Variants in CFAP70 observed in about 807,000 individuals in gnomAD.
CFAP70 encodes the protein cilia- and flagella-associated protein 70.
A neutral mutation model predicts 137.6 loss-of-function variants in CFAP70; 81 were observed. The observed-to-expected ratio is 0.59, with a 90% confidence interval of 0.49 to 0.71. The LOEUF is 0.71. CFAP70 is among the 30% of genes least tolerant of loss of function. The probability of loss-of-function intolerance (pLI) is 0.00; values close to 1 mark genes in which losing one functional copy is unlikely to be tolerated. For missense variants in CFAP70, 976 were observed against 1,226.7 expected (o/e 0.80, Z 3.05); for synonymous variants, 382 against 423.6 (o/e 0.90, Z 1.20).
At chr10:73,309,644 C>A (rs1292332031) in intron 12 of CFAP70, among the ~76,000 whole-genome samples, 1 of 143,676 alleles carries the variant, frequency 7.0e-6, no homozygotes, top group Admixed American at 6.9e-5. Flanking sequence ...CTTGTTCATC[C>A]GTATTTCCTA....
chr10:73,298,847 G>A, intron 14 of CFAP70, 60 bp downstream of exon 15: 1 of 1,441,904 alleles, frequency 6.9e-7, no homozygotes, highest in Non-Finnish European at 9.7e-7. Flanking sequence ...TGTGATGTGG[G>A]TATGTGGAGA....
At chr10:73,305,866 A>G (rs2049332099) in intron 12 of CFAP70, among the ~76,000 whole-genome samples, 1 of 152,238 alleles carries the variant, frequency 6.6e-6, no homozygotes, top group African/African-American at 2.4e-5. Flanking sequence ...CATCAAACTT[A>G]CTACACAAAT....
chr10:73,262,592 C>A (rs2133601386), intron 25 of CFAP70, among the ~76,000 whole-genome samples: 1 of 152,030 alleles, frequency 6.6e-6, no homozygotes, highest in African/African-American at 2.4e-5. Flanking sequence ...ATCTTTTATC[C>A]ATGAAAATGT....
At chr10:73,253,919 C>A (rs1418771930) in exon 27 of CFAP70, 2 of 1,420,402 alleles carry the variant, frequency 1.4e-6, no homozygotes, top group East Asian at 4.7e-5. Context: ...GTAAAACTCT[C>A]TGGGAAGGAA....
chr10:73,292,925 C>T (rs2048280073), intron 16 of CFAP70, among the ~76,000 whole-genome samples: 2 of 152,042 alleles, frequency 1.3e-5, no homozygotes, highest in Admixed American at 1.3e-4. Context: ...AAGATTCTGT[C>T]CTATGTTTCT....
rs12255344 is a variant in CFAP70, at chr10:73,279,572, T to C, written c.2240-1235A>G. Among the ~76,000 whole-genome samples the C allele has an allele frequency of 8.7e-5, 9 of 103,400 alleles. No individual in the cohort carries two copies. The East Asian group carries it at 4.5e-3, about 51-fold the overall frequency. The allele number at this position is 103,400 out of a possible 152,430, so 67.8% of individuals were successfully genotyped here. A position where few individuals can be genotyped will look rare whatever the true frequency, so the allele number is the denominator to read the frequency against. ...AAATAAATAAATAAATAAATAAATATAAGAAGTTGGGCGAGGTGACTCACG... is the reference window on the plus strand; with the variant it reads ...AAATAAATAAATAAATAAATAAATACAAGAAGTTGGGCGAGGTGACTCACG... On this transcript the variant is annotated intron_variant, in intron 19 of 26. Coordinates refer to ENST00000310715, the Ensembl canonical transcript of CFAP70.
intron 19 of CFAP70, among the ~76,000 whole-genome samples, chr10:73,282,826 C>CTTTTTT (rs1203127459): frequency 1.3e-3 from 120 of 90,858 alleles, no homozygotes; most frequent in Non-Finnish European, 1.6e-3. Flanking sequence ...TTCCTGTTAT[C>CTTTTTT]TTTTTTTTTT....
chr10:73,347,103 T>A (rs1194015225), intron 4 of CFAP70: 2 of 152,208 alleles, frequency 1.3e-5, no homozygotes, highest in Admixed American at 1.3e-4. Context: ...ATCTTCCATT[T>A]AGGTATATGT....
chr10:73,345,327 T>C, intron 4 of CFAP70, 83 bp from the exon 6 acceptor site: 5 of 1,225,158 alleles, frequency 4.1e-6, no homozygotes, highest in South Asian at 1.3e-5. Context: ...AATCTCATAT[T>C]ACTGTTCAAG....
At chr10:73,319,356 C>T (rs545508145) in intron 9 of CFAP70, among the ~76,000 whole-genome samples, 1 of 152,214 alleles carries the variant, frequency 6.6e-6, no homozygotes, top group Admixed American at 6.5e-5. Context: ...AAGTCACTCC[C>T]CCTAGCCAGT....
chr10:73,310,090 G>A lies in CFAP70; in HGVS notation c.1256+68C>T, dbSNP rs1346181823. On this transcript the variant is annotated intron_variant, in intron 12 of 26. Transcript: ENST00000310715. ...GCCCAAGGGAAATTACAATCGTGGG[G>A]ACAATCTGACTTCCTCTTATTTATA... The A allele has an allele frequency of 4.2e-6, 4 of 955,740 alleles. No homozygotes were observed. The African/African-American group carries it at 6.7e-5, about 16-fold the overall frequency. 59.2% of individuals were successfully genotyped at this position (955,740 alleles called of 1,614,324 possible).
At chr10:73,346,007 T>G (rs2053670360) in intron 4 of CFAP70, among the ~76,000 whole-genome samples, 1 of 151,658 alleles carries the variant, frequency 6.6e-6, no homozygotes, top group African/African-American at 2.4e-5. Context: ...CAAGCGATTC[T>G]TCTGCCTCAG....
At chr10:73,282,653 G>A (rs973694107) in intron 19 of CFAP70, among the ~76,000 whole-genome samples, 1 of 151,848 alleles carries the variant, frequency 6.6e-6, no homozygotes, top group Non-Finnish European at 1.5e-5. Flanking sequence ...TGCCTCCCTC[G>A]GCCTCCCAAA....
intron 19 of CFAP70, among the ~76,000 whole-genome samples, chr10:73,289,293 TA>T (rs1413876269): frequency 2.7e-5 from 4 of 148,570 alleles, no homozygotes; most frequent in African/African-American, 5.2e-5. Flanking sequence ...TTATTATTAT[TA>T]TTTTTTTTTG....
intron 19 of CFAP70, among the ~76,000 whole-genome samples, chr10:73,280,839 T>C (rs2047203574): frequency 6.6e-6 from 1 of 152,174 alleles, no homozygotes; most frequent in Admixed American, 6.5e-5. Context: ...TCATTGATCT[T>C]CTGAAAGAAA....
chr10:73,299,157 G>A, intron 13 of CFAP70, 56 bp from the exon 15 acceptor site: 4 of 1,320,546 alleles, frequency 3.0e-6, no homozygotes, highest in Non-Finnish European at 4.2e-6. Context: ...AGCATGGATT[G>A]GAAGTCTAAA....
chr10:73,353,500 A>C, intron 3 of CFAP70, 56 bp downstream of exon 3: 1 of 1,479,888 alleles, frequency 6.8e-7, no homozygotes, highest in Non-Finnish European at 9.3e-7. Flanking sequence ...TTCCCATCCA[A>C]CATGATAGGG....
chr10:73,257,674 C>T (rs1393668044), intron 25 of CFAP70, among the ~76,000 whole-genome samples: 1 of 152,212 alleles, frequency 6.6e-6, no homozygotes, highest in Non-Finnish European at 1.5e-5. Flanking sequence ...CTGAAGTTCA[C>T]TGAATTGCCA....
At chr10:73,280,396 G>A (rs941727158) in intron 19 of CFAP70, among the ~76,000 whole-genome samples, 1 of 152,106 alleles carries the variant, frequency 6.6e-6, no homozygotes, top group Non-Finnish European at 1.5e-5. Context: ...CTTTCTTTGG[G>A]ATGGCTTTGT....
Sources: allele counts gnomAD v4.1 joint callset (sites outside exome capture counted in the v4.1 genomes callset), GRCh38; gene constraint gnomAD v4.1.1; transcripts MANE v1.5; gene names NCBI Gene and HGNC (gene_info 2026-07-23, HGNC 2026-07-21).